CDC23: variants seen among roughly 807,000 people sequenced by gnomAD.
CDC23 encodes the protein cell division cycle 23.
Under a neutral mutation model 81.7 loss-of-function variants are expected in CDC23, and 26 were observed. The ratio of observed to expected loss-of-function variants is 0.32; its 90% CI spans 0.23 to 0.44. CDC23 has a LOEUF of 0.44. Among genes scored for constraint, CDC23 ranks in the 20% least tolerant of loss-of-function variants. The pLI is 1.00. For synonymous variants in CDC23, 267 were observed against 270.8 expected (o/e 0.99, Z 0.14); for missense variants, 519 against 728.0 (o/e 0.71, Z 3.30).
In CDC23 at chr5:138,188,183, T is replaced by C. The variant is rs1315132572; in HGVS notation, c.*795A>G. The C allele has an allele frequency of 1.3e-5, 2 of 152,202 alleles. No individual in the cohort carries two copies. The highest frequency in any genetic ancestry group is 4.8e-5 in the African/African-American group (2 of 41,458). The allele number at this position is 152,202 out of a possible 1,614,324, so 9.4% of individuals were successfully genotyped here. On this transcript the variant is annotated 3_prime_UTR_variant, in exon 16 of 16. Coordinates refer to ENST00000394886, the MANE Select transcript of CDC23 (RefSeq NM_004661.4). ...AACAGACCAGCTTGAAGTGAGTTTA[T>C]TCTTGTCTGTATAATCACCAATGTT...
rs534899497 is a variant in CDC23, at chr5:138,195,836, CATAT to C, written c.1012+2359_1012+2362del. On this transcript the variant is annotated intron_variant, in intron 9 of 15. Coordinates refer to ENST00000394886, the MANE Select transcript of CDC23 (RefSeq NM_004661.4). ...ACATATATATAATATATATTATATA[CATAT>C]ATATATAAAATAAAATGCTGCCGCT... Among the ~76,000 whole-genome samples, 235 of 126,924 alleles carry C rather than the reference CATAT, an allele frequency of 1.9e-3. 1 individual carries two copies. The highest frequency in any genetic ancestry group is 6.6e-3 in the African/African-American group (221 of 33,494). The allele number at this position is 126,924 out of a possible 152,430, so 83.3% of individuals were successfully genotyped here.
Position 138,198,702 on chromosome 5 carries a change from C to T in CDC23, c.735G>A (p.Glu245=). 1 of 1,614,130 alleles carries T rather than the reference C, an allele frequency of 6.2e-7. No individual in the cohort carries two copies. The highest frequency in any genetic ancestry group is 1.7e-5 in the Admixed American group (1 of 60,024). The change falls in exon 7 of 16, where the codon GAG becomes GAA. Residue 245 remains glutamate, a synonymous_variant. Transcript: ENST00000394886. ...AHIYTELQLI[E]EALQKYQNLI... is the part of the protein sequence containing the mutation. ...GATTCTGATACTTTTGCAGGGCCTCCTCTATCAACTGCAACTCTGTGTATA... is the reference window on the plus strand; with the variant it reads ...GATTCTGATACTTTTGCAGGGCCTCTTCTATCAACTGCAACTCTGTGTATA...
intron 9 of CDC23, among the ~76,000 whole-genome samples, chr5:138,195,763 A>T (rs1462741066): frequency 1.3e-5 from 1 of 77,004 alleles, no homozygotes; most frequent in Non-Finnish European, 2.6e-5. Context: ...ATATACATAT[A>T]TTATATATGT....
chr5:138,189,817 A>G lies in CDC23; in HGVS notation c.1503+11T>C, dbSNP rs989257109. The G allele has an allele frequency of 2.2e-5, 36 of 1,613,966 alleles. No homozygotes were observed. Among genetic ancestry groups the G allele is most frequent in the Non-Finnish European group, 2.9e-5 (34 of 1,179,956 alleles). The stretch of plus-strand genomic sequence containing the variant: ...ATATCAGCAGTACAATTCTCATGGT[A>G]TGATACATACCCCACAGGAATAGAT... On this transcript the variant is annotated intron_variant, in intron 14 of 15. Coordinates refer to ENST00000394886, the MANE Select transcript of CDC23 (RefSeq NM_004661.4).
At position 138,189,076 on chromosome 5, in the gene CDC23, C is replaced by T. The variant is rs571885466; in HGVS notation, c.1696G>A (p.Glu566Lys). The T allele has an allele frequency of 1.2e-5, 20 of 1,614,024 alleles. No homozygotes were observed. Among genetic ancestry groups the T allele is most frequent in the East Asian group, 2.2e-5 (1 of 44,878 alleles). Reference protein sequence around the residue: ...LRNQGETPTTEVPAPFFLPAS... With the variant: ...LRNQGETPTTKVPAPFFLPAS... The stretch of plus-strand genomic sequence containing the variant: ...GGTAGGAAAAAGGGAGCAGGCACCT[C>T]GGTGGTAGGAGTCTCGCCTTGGTTC... The change falls in exon 16 of 16, where the codon GAG becomes AAG. Residue 566 changes from glutamate to lysine, a missense_variant. Coordinates refer to ENST00000394886, the MANE Select transcript of CDC23 (RefSeq NM_004661.4).
intron 2 of CDC23, among the ~76,000 whole-genome samples, chr5:138,209,392 C>T (rs1456526361): frequency 3.3e-5 from 5 of 149,686 alleles, no homozygotes; most frequent in South Asian, 2.1e-4. Context: ...CATGCCATTG[C>T]ACTCCAGCCT....
intron 9 of CDC23, among the ~76,000 whole-genome samples, chr5:138,195,738 AAT>A (rs1754891437): frequency 2.6e-5 from 3 of 116,894 alleles, no homozygotes; most frequent in African/African-American, 9.8e-5. Flanking sequence ...ATATACATAT[AAT>A]ATATATGTAT....
intron 6 of CDC23, among the ~76,000 whole-genome samples, chr5:138,199,265 G>A (rs1036675068): frequency 2.0e-5 from 3 of 152,128 alleles, no homozygotes; most frequent in Non-Finnish European, 4.4e-5. Context: ...CAAATATTCA[G>A]TAAGAGAATG....
Position 138,201,202 on chromosome 5 carries a change from C to G in CDC23, c.559G>C (p.Glu187Gln). The change falls in exon 6 of 16, where the codon GAG becomes CAG. Residue 187 changes from glutamate (E) to glutamine (Q), a missense_variant. Glu to Gln is a conservative substitution (Grantham distance 29). Around this residue, in one of 4 missense-constraint regions of CDC23, gnomAD observed 180 missense variants for 239.3 expected, o/e 0.75. Transcript: ENST00000394886. ...VVLRKLDLVK[E>Q]AIDVFVEATH... ...GCTTCCACAAACACATCAATGGCCT[C>G]TTTAACCAAGTCCAGTTTTCGAAGC... The G allele has an allele frequency of 6.2e-7, 1 of 1,614,188 alleles. No individual in the cohort carries two copies.
At chr5:138,210,684 T>C (rs1755103627) in intron 2 of CDC23, among the ~76,000 whole-genome samples, 1 of 152,214 alleles carries the variant, frequency 6.6e-6, no homozygotes, top group Admixed American at 6.6e-5. Flanking sequence ...AAGAGGCTGC[T>C]GAATCAATCA....
chr5:138,191,795 A>G, intron 12 of CDC23, 67 bp downstream of exon 12: 1 of 1,277,612 alleles, frequency 7.8e-7, no homozygotes, highest in East Asian at 2.3e-5. Context: ...ATTAGAGCAC[A>G]GATAGCCCAA....
intron 9 of CDC23, among the ~76,000 whole-genome samples, chr5:138,196,566 C>T (rs1460982322): frequency 2.2e-5 from 3 of 136,870 alleles, no homozygotes; most frequent in East Asian, 2.3e-4. Context: ...GGATTACAGG[C>T]GCTGTGAGCC....
intron 2 of CDC23, among the ~76,000 whole-genome samples, chr5:138,208,256 C>A (rs904345343): frequency 4.6e-5 from 7 of 152,172 alleles, no homozygotes; most frequent in African/African-American, 1.7e-4. Context: ...CCGGCCCAAT[C>A]CTCCAAATTC....
chr5:138,212,438 C>T (rs956883879), intron 2 of CDC23, among the ~76,000 whole-genome samples: 1 of 152,210 alleles, frequency 6.6e-6, no homozygotes, highest in African/African-American at 2.4e-5. Flanking sequence ...CCTGTCTCAG[C>T]CTCCCGAGTA....
At chr5:138,193,054 C>A (rs750436432) in intron 9 of CDC23, among the ~76,000 whole-genome samples, 6 of 152,150 alleles carry the variant, frequency 3.9e-5, no homozygotes, top group Admixed American at 6.5e-5. Context: ...ATAAGGCTTT[C>A]AAGTAGCTGG....
chr5:138,198,919 A>G, intron 6 of CDC23, 137 bp from the exon 7 acceptor site: 3 of 815,620 alleles, frequency 3.7e-6, no homozygotes, highest in Non-Finnish European at 3.7e-6. Context: ...AAAACAGGAC[A>G]GTCCAATTAA....
At chr5:138,209,819 G>A (rs376393638) in intron 2 of CDC23, among the ~76,000 whole-genome samples, 30 of 146,564 alleles carry the variant, frequency 2.0e-4, no homozygotes, top group Admixed American at 8.1e-4. Flanking sequence ...GCAAAACTCC[G>A]TCTCAAAAAA....
intron 9 of CDC23, among the ~76,000 whole-genome samples, chr5:138,195,700 CATATATACATATAATATAT>C (rs1754887654): frequency 1.1e-5 from 1 of 94,744 alleles, no homozygotes; most frequent in Non-Finnish European, 2.0e-5. Flanking sequence ...AATATATATG[CATATATACATATAATATAT>C]ATGTATATAT....
At chr5:138,197,166 C>T (rs866254954) in intron 9 of CDC23, among the ~76,000 whole-genome samples, 5 of 149,652 alleles carry the variant, frequency 3.3e-5, no homozygotes, top group African/African-American at 7.5e-5. Flanking sequence ...ATTAGCCGGG[C>T]GTGGTGGCAG....
Sources: gnomAD v4.1 joint callset for allele counts (sites outside exome capture counted in the v4.1 genomes callset) on GRCh38, gnomAD v4.1.1 for gene constraint, gnomAD v4.1.1 regional missense constraint, MANE v1.5 for transcripts, NCBI Gene and HGNC (gene_info 2026-07-23, HGNC 2026-07-21) for gene names.